FGF14: variants seen among roughly 807,000 people sequenced by gnomAD.
The protein encoded by FGF14 is fibroblast growth factor homologous factor 4.
A neutral mutation model predicts 25.5 loss-of-function variants in FGF14; 5 were observed. That is an observed-to-expected ratio of 0.20 (90% CI 0.10 to 0.41). The LOEUF (loss-of-function observed/expected upper bound fraction) is 0.41. Ranked by LOEUF, FGF14 falls within the 10% of genes least tolerant of loss-of-function variation. The pLI is 1.00. For synonymous variants in FGF14, 138 were observed against 118.3 expected (o/e 1.17, Z -1.08); for missense variants, 222 against 320.1 (o/e 0.69, Z 2.34).
At chr13:101,743,466 A>G (rs1361600444) in intron 3 of FGF14, among the ~76,000 whole-genome samples, 1 of 152,190 alleles carries the variant, frequency 6.6e-6, no homozygotes, top group African/African-American at 2.4e-5. Context: ...GATGCTATGA[A>G]TGGAACCATC....
chr13:102,347,969 T>G (rs2057161039), intron 1 of FGF14, among the ~76,000 whole-genome samples: 2 of 149,848 alleles, frequency 1.3e-5, no homozygotes, highest in African/African-American at 2.5e-5. Flanking sequence ...GCAATATCTC[T>G]AAGAATGCAT....
At chr13:101,940,613 A>C (rs2035387204) in intron 1 of FGF14, among the ~76,000 whole-genome samples, 1 of 152,174 alleles carries the variant, frequency 6.6e-6, no homozygotes, top group Non-Finnish European at 1.5e-5. Context: ...TTCCCTACCC[A>C]TCCAATCTAA....
chr13:102,289,864 A>T (rs1214869465), intron 1 of FGF14, among the ~76,000 whole-genome samples: 1 of 151,492 alleles, frequency 6.6e-6, no homozygotes. Context: ...TGTGTGAATG[A>T]TTTTTTTGGT....
intron 1 of FGF14, among the ~76,000 whole-genome samples, chr13:102,201,394 G>A (rs1300837610): frequency 6.6e-6 from 1 of 152,012 alleles, no homozygotes; most frequent in African/African-American, 2.4e-5. Flanking sequence ...AAAGAGAAAT[G>A]CCCTTAGTGT....
Position 101,713,076 on chromosome 13 carries a change from T to C in FGF14, c.*9755A>G, listed in dbSNP as rs539625717. 9 of 152,320 alleles carry C rather than the reference T, an allele frequency of 5.9e-5. No homozygotes were observed. In the South Asian group the frequency reaches 1.9e-3, roughly 32 times the overall value. The allele number at this position is 152,320 out of a possible 1,614,324, so 9.4% of individuals were successfully genotyped here. On this transcript the variant is annotated 3_prime_UTR_variant, in exon 5 of 5. Coordinates refer to ENST00000376143, the MANE Select transcript of FGF14 (RefSeq NM_004115.4). ...AAGTTAAAAAACACAATTGTCACAA[T>C]CTAAATAATTCTGACTGCACTCTTA...
intron 3 of FGF14, among the ~76,000 whole-genome samples, chr13:101,812,949 G>A (rs1391001770): frequency 1.3e-5 from 2 of 152,014 alleles, no homozygotes; most frequent in East Asian, 3.9e-4. Context: ...TTAGAGGCGT[G>A]AGCCACCATG....
intron 1 of FGF14, among the ~76,000 whole-genome samples, chr13:101,995,108 CATA>C (rs1322245324): frequency 6.6e-6 from 1 of 152,016 alleles, no homozygotes; most frequent in Non-Finnish European, 1.5e-5. Context: ...GTTAAAGTAT[CATA>C]ATGTCTGTTA....
rs1261137458 is a variant in FGF14 at position 101,712,769 on chromosome 13, C to T, written c.*10062G>A. The T allele has an allele frequency of 6.6e-6, 1 of 152,096 alleles. No individual in the cohort carries two copies. The highest frequency in any genetic ancestry group is 1.5e-5 in the Non-Finnish European group (1 of 68,018). 9.4% of individuals were successfully genotyped at this position (152,096 alleles called of 1,614,324 possible). A position where few individuals can be genotyped will look rare whatever the true frequency, so the allele number is the denominator to read the frequency against. On this transcript the variant is annotated 3_prime_UTR_variant, in exon 5 of 5. Coordinates refer to ENST00000376143, the MANE Select transcript of FGF14 (RefSeq NM_004115.4). Reference sequence around the variant, plus strand: ...GTTAAACAAGCAGTAGAGTGCTGTACATTTTTTTATGCCTAGAAATGTGAA... The same window carrying T: ...GTTAAACAAGCAGTAGAGTGCTGTATATTTTTTTATGCCTAGAAATGTGAA...
chr13:102,244,468 A>G (rs944753463), intron 1 of FGF14, among the ~76,000 whole-genome samples: 1 of 152,004 alleles, frequency 6.6e-6, no homozygotes, highest in African/African-American at 2.4e-5. Context: ...TAAATGAAAA[A>G]AAAAAAACTT....
At chr13:102,167,194 T>C (rs1309410042) in intron 1 of FGF14, among the ~76,000 whole-genome samples, 3 of 150,900 alleles carry the variant, frequency 2.0e-5, no homozygotes, top group Non-Finnish European at 4.4e-5. Context: ...AAAAATTTGC[T>C]GGACATGGTG....
intron 1 of FGF14, among the ~76,000 whole-genome samples, chr13:102,167,774 T>TTTTTTTTA (rs1462914355): frequency 1.3e-5 from 2 of 149,720 alleles, no homozygotes; most frequent in African/African-American, 4.9e-5. Flanking sequence ...ATTAAGATAT[T>TTTTTTTTA]AGAAACTGGC....
At chr13:102,359,440 G>T (rs1257026509) in intron 1 of FGF14, among the ~76,000 whole-genome samples, 1 of 151,778 alleles carries the variant, frequency 6.6e-6, no homozygotes, top group East Asian at 1.9e-4. Context: ...TAAATTTCTG[G>T]CCACATTTTG....
intron 3 of FGF14, chr13:101,802,390 TG>T: frequency 4.7e-6 from 1 of 211,084 alleles, no homozygotes. Context: ...TGGAAAAAGG[TG>T]GAAGAGGAAG....
At chr13:102,088,915 T>C (rs541843080) in intron 1 of FGF14, among the ~76,000 whole-genome samples, 3 of 152,250 alleles carry the variant, frequency 2.0e-5, no homozygotes, top group South Asian at 4.1e-4. Context: ...GATCCACATA[T>C]TGTAGCTTAG....
At chr13:102,243,019 T>C (rs1465622056) in intron 1 of FGF14, among the ~76,000 whole-genome samples, 1 of 152,138 alleles carries the variant, frequency 6.6e-6, no homozygotes, top group Non-Finnish European at 1.5e-5. Context: ...CTTCCAAAGC[T>C]TGGCCATAAA....
chr13:101,927,145 T>C (rs1357259490), intron 1 of FGF14, among the ~76,000 whole-genome samples: 1 of 152,158 alleles, frequency 6.6e-6, no homozygotes, highest in African/African-American at 2.4e-5. Flanking sequence ...CTACAGAGAT[T>C]TGAAACTGGC....
intron 1 of FGF14, among the ~76,000 whole-genome samples, chr13:102,368,731 A>C (rs1174089115): frequency 6.6e-6 from 1 of 152,216 alleles, no homozygotes; most frequent in Non-Finnish European, 1.5e-5. Context: ...ATTTTCTTAC[A>C]TATAAAGAAA....
chr13:101,924,393 C>T (rs145081253), intron 1 of FGF14, among the ~76,000 whole-genome samples: 2 of 152,034 alleles, frequency 1.3e-5, no homozygotes, highest in African/African-American at 4.8e-5. Context: ...GCATTTGTGC[C>T]AAAACACACA....
At chr13:101,819,146 A>G (rs2041988355) in intron 3 of FGF14, among the ~76,000 whole-genome samples, 1 of 152,202 alleles carries the variant, frequency 6.6e-6, no homozygotes, top group South Asian at 2.1e-4. Flanking sequence ...ACAGTAGAGT[A>G]AACTAAAGCT....
Sources: allele counts gnomAD v4.1 joint callset (sites outside exome capture counted in the v4.1 genomes callset), GRCh38; gene constraint gnomAD v4.1.1; transcripts MANE v1.5; gene names NCBI Gene and HGNC (gene_info 2026-07-23, HGNC 2026-07-21).